The following ZNF391 variants were observed in gnomAD, a reference collection of about 807,000 sequenced individuals.
ZNF391 encodes the protein zinc finger protein 391.
For synonymous variants in ZNF391, 126 were observed against 142.1 expected, an observed-to-expected ratio of 0.89 and a Z score of 0.80; for missense variants, 375 against 425.5, an observed-to-expected ratio of 0.88 and a Z score of 1.04.
chr6:27,378,616 C>T (rs187045562), intron 1 of ZNF391, among the ~76,000 whole-genome samples: 30 of 152,278 alleles, frequency 2.0e-4, no homozygotes, highest in Admixed American at 1.8e-3. Context: ...TTAAATATCA[C>T]TTCTTTTGTG....
chr6:27,383,646 T>C (rs531429801), intron 1 of ZNF391, among the ~76,000 whole-genome samples: 2 of 152,296 alleles, frequency 1.3e-5, no homozygotes, highest in Admixed American at 1.3e-4. Context: ...ATGACTCTTA[T>C]AAGGGCACTA....
At chr6:27,394,704 C>A (rs6923539) in intron 1 of ZNF391, among the ~76,000 whole-genome samples, 107,667 of 152,130 alleles carry the variant, frequency 0.71, 38,330 homozygotes, top group Middle Eastern at 0.82. Context: ...GCAGCTTAGA[C>A]TCTGTGCTTG....
rs1214246665 is a variant in ZNF391 at position 27,403,201 on chromosome 6, C to T, written c.*1754C>T. 2.0e-5 allele frequency: 3 copies of T among 152,076 alleles called. No homozygotes were observed. Among genetic ancestry groups the T allele is most frequent in the African/African-American group, 4.8e-5 (2 of 41,402 alleles). The allele number at this position is 152,076 out of a possible 1,614,324, so 9.4% of individuals were successfully genotyped here. ...CTGCCCCAAATGTAAACTTCTTTAA[C>T]CTAAAGGTCTTTCATAGTTTGATCT... On this transcript the variant is annotated 3_prime_UTR_variant, in exon 3 of 3. Coordinates refer to ENST00000244576, the MANE Select transcript of ZNF391 (RefSeq NM_001076781.3).
chr6:27,392,035 A>T lies in ZNF391; in HGVS notation c.-188+2960A>T, dbSNP rs1030694290. On this transcript the variant is annotated intron_variant, in intron 1 of 2. Transcript: ENST00000244576. Reference sequence around the variant, plus strand: ...CTAAAGTTAAACTACTAGGTATCCGATAGCTTTGGACCAATCAAGTCCAGC... The same window carrying T: ...CTAAAGTTAAACTACTAGGTATCCGTTAGCTTTGGACCAATCAAGTCCAGC... Among the ~76,000 whole-genome samples the T allele has an allele frequency of 1.2e-4, 18 of 152,220 alleles. No individual in the cohort carries two copies. The East Asian group carries it at 3.1e-3, about 26-fold the overall frequency.
At chr6:27,386,923 AAG>A (rs1227955369), upstream of ZNF391, among the ~76,000 whole-genome samples, 2 of 152,204 alleles carry the variant, frequency 1.3e-5, no homozygotes, top group Admixed American at 6.5e-5. Context: ...ACACTATCAA[AAG>A]AGAGAAAAAC....
chr6:27,377,599 A>G (rs1761437016), intron 1 of ZNF391, among the ~76,000 whole-genome samples: 1 of 152,172 alleles, frequency 6.6e-6, no homozygotes, highest in Non-Finnish European at 1.5e-5. Flanking sequence ...ACTTTGCTTC[A>G]AGTTGTCCTA....
chr6:27,375,667 A>G (rs554364559), intron 1 of ZNF391, among the ~76,000 whole-genome samples: 2 of 152,208 alleles, frequency 1.3e-5, no homozygotes, highest in Non-Finnish European at 2.9e-5. Flanking sequence ...CAGCCCTGCT[A>G]TTAACCAGAC....
chr6:27,375,396 G>A (rs992021791), intron 1 of ZNF391, among the ~76,000 whole-genome samples: 11 of 152,196 alleles, frequency 7.2e-5, no homozygotes, highest in African/African-American at 2.2e-4. Flanking sequence ...TGTGACTAGG[G>A]TATAACGTGA....
intron 1 of ZNF391, among the ~76,000 whole-genome samples, chr6:27,381,406 C>T (rs188747783): frequency 0.02 from 3,015 of 152,360 alleles, 51 homozygotes; most frequent in Non-Finnish European, 0.03. Flanking sequence ...CCCCAAGCAC[C>T]GCGCGCAGCC....
intron 1 of ZNF391, among the ~76,000 whole-genome samples, chr6:27,394,450 C>T (rs2113654259): frequency 6.6e-6 from 1 of 152,332 alleles, no homozygotes; most frequent in African/African-American, 2.4e-5. Context: ...TGGATATGCA[C>T]AGTGCAAGAG....
At chr6:27,399,243 T>C (rs193199299) in intron 1 of ZNF391, among the ~76,000 whole-genome samples, 199 bp from the exon 2 acceptor site, 59 of 152,240 alleles carry the variant, frequency 3.9e-4, no homozygotes, top group African/African-American at 1.3e-3. Context: ...GTATGTAACC[T>C]GTGTGTGTGT....
chr6:27,379,160 G>A (rs1311631135), intron 1 of ZNF391, among the ~76,000 whole-genome samples: 3 of 152,138 alleles, frequency 2.0e-5, no homozygotes, highest in Admixed American at 2.0e-4. Context: ...TAGATGAAAT[G>A]AAATTTTATT....
chr6:27,392,096 A>C (rs1285219794), intron 1 of ZNF391, among the ~76,000 whole-genome samples: 1 of 152,082 alleles, frequency 6.6e-6, no homozygotes, highest in African/African-American at 2.4e-5. Flanking sequence ...ATAAAACCAG[A>C]TTGTTTATTT....
Position 27,401,392 on chromosome 6 carries a change from CCTT to C in ZNF391, c.1025_1027del (p.Phe342del). 1 of 1,613,094 alleles carries C rather than the reference CCTT, an allele frequency of 6.2e-7. No individual in the cohort carries two copies. The highest frequency in any genetic ancestry group is 1.3e-5 in the African/African-American group (1 of 75,028). On this transcript the variant is annotated inframe_deletion, in exon 3 of 3. Coordinates refer to ENST00000244576, the MANE Select transcript of ZNF391 (RefSeq NM_001076781.3). ...TACAAATGTAATGACTGTGGAAAAGCCTTCTGTCAGAGTTCAACTCTGATCAGA... is the reference window on the plus strand; with the variant it reads ...TACAAATGTAATGACTGTGGAAAAGCCTGTCAGAGTTCAACTCTGATCAGA...
intron 1 of ZNF391, among the ~76,000 whole-genome samples, chr6:27,382,680 T>C (rs1009111839): frequency 7.9e-5 from 12 of 152,206 alleles, no homozygotes; most frequent in Non-Finnish European, 1.6e-4. Flanking sequence ...CACAGAGATA[T>C]AAATTATAAG....
At chr6:27,397,636 C>CT (rs1761856208) in intron 1 of ZNF391, among the ~76,000 whole-genome samples, 2 of 152,022 alleles carry the variant, frequency 1.3e-5, no homozygotes, top group Admixed American at 1.3e-4. Context: ...GCAATTGGAT[C>CT]TTTTTTTGTG....
chr6:27,399,640 A>T (rs1463738756), intron 2 of ZNF391, 90 bp downstream of exon 2: 2 of 152,234 alleles, frequency 1.3e-5, no homozygotes, highest in African/African-American at 4.8e-5. Context: ...CATGTAGGCA[A>T]GTGACTCAAT....
intron 1 of ZNF391, among the ~76,000 whole-genome samples, chr6:27,375,998 T>C (rs1761412204): frequency 6.6e-6 from 1 of 152,162 alleles, no homozygotes; most frequent in Non-Finnish European, 1.5e-5. Context: ...ATGGAGAGGA[T>C]GAAGTAAAGT....
intron 1 of ZNF391, among the ~76,000 whole-genome samples, chr6:27,382,160 C>T (rs1431571874): frequency 3.3e-5 from 5 of 151,940 alleles, no homozygotes; most frequent in Admixed American, 1.3e-4. Context: ...GGTGAAACCC[C>T]GTCTCTGCTA....
Sources: gnomAD v4.1 joint callset for allele counts (sites outside exome capture counted in the v4.1 genomes callset) on GRCh38, gnomAD v4.1.1 for gene constraint, MANE v1.5 for transcripts, NCBI Gene and HGNC (gene_info 2026-07-23, HGNC 2026-07-21) for gene names.